The following CALN1 variants were observed in gnomAD, a reference collection of about 807,000 sequenced individuals.
CALN1 encodes calneuron 1.
CALN1 carries 17 observed loss-of-function variants against 30.6 expected under a neutral mutation model. The ratio of observed to expected loss-of-function variants is 0.56; its 90% CI spans 0.38 to 0.83. The LOEUF (loss-of-function observed/expected upper bound fraction) is 0.83. Among genes scored for constraint, CALN1 ranks in the 40% least tolerant of loss-of-function variants. The pLI is 0.00. For missense variants in CALN1, 291 were observed against 354.9 expected (o/e 0.82, Z 1.45); for synonymous variants, 156 against 131.4 (o/e 1.19, Z -1.28).
At chr7:71,804,692 G>A (rs1347497904) in intron 6 of CALN1, among the ~76,000 whole-genome samples, 2 of 152,014 alleles carry the variant, frequency 1.3e-5, no homozygotes, top group African/African-American at 4.8e-5. Flanking sequence ...GGTGGCACAT[G>A]CCTGTAATCC....
At chr7:72,263,457 A>G (rs1352469395) in intron 3 of CALN1, among the ~76,000 whole-genome samples, 1 of 152,118 alleles carries the variant, frequency 6.6e-6, no homozygotes, top group Admixed American at 6.6e-5. Flanking sequence ...GTTCAATGAC[A>G]TGATCGTGGC....
chr7:71,803,787 G>C (rs979177359), intron 6 of CALN1, among the ~76,000 whole-genome samples: 1 of 152,060 alleles, frequency 6.6e-6, no homozygotes, highest in Non-Finnish European at 1.5e-5. Flanking sequence ...ACCCAGCCAG[G>C]CTTGCCCACT....
chr7:72,329,372 A>G (rs1801503434), intron 2 of CALN1, among the ~76,000 whole-genome samples: 1 of 152,254 alleles, frequency 6.6e-6, no homozygotes, highest in African/African-American at 2.4e-5. Context: ...TTTGGAAAAT[A>G]TAGACTAAGT....
chr7:72,197,304 T>G (rs926489194), intron 3 of CALN1, among the ~76,000 whole-genome samples: 5 of 148,262 alleles, frequency 3.4e-5, no homozygotes, highest in Non-Finnish European at 7.4e-5. Flanking sequence ...CAGGTTCAAG[T>G]GATTCTTCTG....
chr7:72,343,372 C>A, intron 2 of CALN1, among the ~76,000 whole-genome samples: 1 of 152,062 alleles, frequency 6.6e-6, no homozygotes, highest in Non-Finnish European at 1.5e-5. Flanking sequence ...CATGGTGAAA[C>A]TCTGTTTCTA....
chr7:72,354,435 A>C (rs747544766), intron 2 of CALN1, among the ~76,000 whole-genome samples: 28 of 152,264 alleles, frequency 1.8e-4, no homozygotes, highest in Non-Finnish European at 3.5e-4. Context: ...GTTTTGCAAA[A>C]TTTGACAAGC....
intron 3 of CALN1, among the ~76,000 whole-genome samples, chr7:72,265,021 G>A (rs1796515949): frequency 6.6e-6 from 1 of 152,118 alleles, no homozygotes; most frequent in Non-Finnish European, 1.5e-5. Flanking sequence ...TGTAGTATTT[G>A]TAGAGACAGG....
intron 3 of CALN1, among the ~76,000 whole-genome samples, chr7:72,212,179 C>A (rs1392483574): frequency 1.3e-5 from 2 of 151,834 alleles, no homozygotes; most frequent in African/African-American, 2.4e-5. Flanking sequence ...TGAAACCCAT[C>A]GCTACTAAAA....
At chr7:72,125,608 T>A (rs557196034) in intron 3 of CALN1, among the ~76,000 whole-genome samples, 3 of 152,302 alleles carry the variant, frequency 2.0e-5, no homozygotes, top group South Asian at 4.1e-4. Flanking sequence ...TACAGTGTTT[T>A]AAAATTTTAT....
chr7:71,964,350 G>C (rs1480024802), intron 5 of CALN1, among the ~76,000 whole-genome samples: 2 of 152,154 alleles, frequency 1.3e-5, no homozygotes, highest in African/African-American at 4.8e-5. Flanking sequence ...AAGCCTTGGT[G>C]GGCGTCTGTT....
At chr7:72,349,281 CTT>C (rs1491288324) in intron 2 of CALN1, among the ~76,000 whole-genome samples, 2 of 111,136 alleles carry the variant, frequency 1.8e-5, no homozygotes, top group Non-Finnish European at 3.7e-5. Context: ...AACACGCGTG[CTT>C]GTGTGTGTGT....
intron 3 of CALN1, among the ~76,000 whole-genome samples, chr7:72,230,435 T>C (rs1429188049): frequency 6.9e-6 from 1 of 144,548 alleles, no homozygotes; most frequent in Non-Finnish European, 1.5e-5. Context: ...TGAGCCCAGG[T>C]AGGTCAAGGC....
intron 4 of CALN1, among the ~76,000 whole-genome samples, chr7:72,060,716 T>C (rs1803587701): frequency 6.6e-6 from 1 of 152,132 alleles, no homozygotes; most frequent in Admixed American, 6.5e-5. Context: ...CCGTGATGCA[T>C]GGTAGTGAGT....
At chr7:72,327,889 G>T (rs986897231) in intron 2 of CALN1, among the ~76,000 whole-genome samples, 2 of 151,988 alleles carry the variant, frequency 1.3e-5, no homozygotes, top group African/African-American at 4.8e-5. Context: ...AGGTCATCTT[G>T]GTTTCAACCT....
At chr7:71,992,642 G>A (rs1198479315) in intron 5 of CALN1, among the ~76,000 whole-genome samples, 1 of 152,182 alleles carries the variant, frequency 6.6e-6, no homozygotes, top group Non-Finnish European at 1.5e-5. Flanking sequence ...ATATGTGTAA[G>A]CCATCGCACC....
intron 2 of CALN1, among the ~76,000 whole-genome samples, chr7:72,400,424 T>C (rs189809310): frequency 1.3e-4 from 20 of 152,328 alleles, no homozygotes; most frequent in Non-Finnish European, 2.6e-4. Context: ...TTTCTCAGAT[T>C]TTCCACATCC....
At chr7:72,135,786 T>C (rs188110400) in intron 3 of CALN1, among the ~76,000 whole-genome samples, 2 of 152,302 alleles carry the variant, frequency 1.3e-5, no homozygotes, top group Admixed American at 6.5e-5. Flanking sequence ...AAGCCAGGCA[T>C]TGACTTCTCC....
At chr7:71,941,340 G>A (rs935897365) in intron 5 of CALN1, among the ~76,000 whole-genome samples, 1 of 138,302 alleles carries the variant, frequency 7.2e-6, no homozygotes, top group African/African-American at 2.6e-5. Flanking sequence ...GACAGAGTGA[G>A]ACTGCATCTC....
At chr7:71,859,127 A>C (rs1400045232) in intron 5 of CALN1, among the ~76,000 whole-genome samples, 1 of 152,046 alleles carries the variant, frequency 6.6e-6, no homozygotes, top group Non-Finnish European at 1.5e-5. Context: ...CAGCGGCATG[A>C]TCTCGGCTCA....
Sources: allele counts gnomAD v4.1 joint callset (sites outside exome capture counted in the v4.1 genomes callset), GRCh38; gene constraint gnomAD v4.1.1; transcripts MANE v1.5; gene names NCBI Gene and HGNC (gene_info 2026-07-23, HGNC 2026-07-21).